GAS6: variants seen among roughly 807,000 people sequenced by gnomAD.
The protein encoded by GAS6 is growth arrest specific 6.
Under a neutral mutation model 75.8 loss-of-function variants are expected in GAS6, and 41 were observed. The observed-to-expected ratio is 0.54, with a 90% confidence interval of 0.42 to 0.70. The LOEUF (loss-of-function observed/expected upper bound fraction) is 0.70, where lower values mean the gene tolerates loss of function less well. Among genes scored for constraint, GAS6 ranks in the 30% least tolerant of loss-of-function variants. The probability of loss-of-function intolerance (pLI) is 0.00; values close to 1 mark genes in which losing one functional copy is unlikely to be tolerated. For synonymous variants in GAS6, 432 were observed against 412.6 expected, an observed-to-expected ratio of 1.05 and a Z score of -0.57; for missense variants, 854 against 940.2, an observed-to-expected ratio of 0.91 and a Z score of 1.20.
intron 2 of GAS6, among the ~76,000 whole-genome samples, chr13:113,851,218 G>A (rs1027957030): frequency 1.1e-4 from 16 of 151,906 alleles, no homozygotes; most frequent in Admixed American, 5.2e-4. Flanking sequence ...TGGGTGAGTG[G>A]ATGGATGGAT....
intron 12 of GAS6, among the ~76,000 whole-genome samples, chr13:113,826,414 TC>T (rs2051540507): frequency 7.2e-6 from 1 of 138,208 alleles, no homozygotes; most frequent in South Asian, 2.3e-4. Flanking sequence ...CTCCCCGGCC[TC>T]CCGGCGCTGG....
At chr13:113,858,971 T>C (rs974490028) in intron 2 of GAS6, among the ~76,000 whole-genome samples, 5 of 97,556 alleles carry the variant, frequency 5.1e-5, no homozygotes, top group African/African-American at 2.0e-4. Flanking sequence ...TGTGTGACTG[T>C]ATGTCTATAT....
Position 113,828,702 on chromosome 13 carries a change from C to T in GAS6, c.1153G>A (p.Glu385Lys), listed in dbSNP as rs1273516388. ...NHGMWQTISV[E>K]ELARNLVIKV... ...ATGACCAGATTCCGCGCCAGCTCCT[C>T]AACAGAGATCTGAAGAGAGGCAGCG... Residue 385 changes from glutamate (E) to lysine (K), a missense_variant, in exon 11 of 15, where the codon GAG (glutamate) becomes AAG (lysine). Glu to Lys is a moderately conservative substitution (Grantham distance 56). Transcript: ENST00000327773. 7 of 1,613,138 alleles carry T rather than the reference C, an allele frequency of 4.3e-6. No individual in the cohort carries two copies. In the East Asian group the frequency reaches 1.6e-4, roughly 36 times the overall value.
chr13:113,843,133 C>A (rs2051803478), intron 4 of GAS6: 1 of 320,302 alleles, frequency 3.1e-6, no homozygotes, highest in Admixed American at 5.0e-5. Context: ...CCTCTGCAGG[C>A]CCCCGAGGGC....
intron 8 of GAS6, among the ~76,000 whole-genome samples, chr13:113,834,068 C>T (rs562206480): frequency 4.1e-5 from 6 of 144,990 alleles, no homozygotes; most frequent in East Asian, 2.1e-4. Flanking sequence ...TGTGACAGGT[C>T]GGTGTGACAG....
At chr13:113,847,635 G>A (rs776842981) in intron 3 of GAS6, 6 of 210,118 alleles carry the variant, frequency 2.9e-5, no homozygotes, top group East Asian at 1.7e-4. Context: ...TTAAGAATAC[G>A]GTAAATATCA....
chr13:113,859,307 T>C (rs1386882861), intron 2 of GAS6, among the ~76,000 whole-genome samples: 2 of 151,238 alleles, frequency 1.3e-5, no homozygotes, highest in East Asian at 3.9e-4. Flanking sequence ...TATGTGTACA[T>C]GTCTGTTAGT....
At position 113,834,535 on chromosome 13, in the gene GAS6, G is replaced by T; in HGVS notation, c.834+16C>A. The T allele has an allele frequency of 6.5e-7, 1 of 1,539,224 alleles. No individual in the cohort carries two copies. Among genetic ancestry groups the T allele is most frequent in the Admixed American group, 2.1e-5 (1 of 46,780 alleles). ...GGAACCACCGTGAAGGGCCCGCGGG[G>T]CCAGGGGCCGCCTACCTCACAGGTG... On this transcript the variant is annotated intron_variant, in intron 8 of 14. Transcript: ENST00000327773.
At chr13:113,827,472 T>C (rs866980800) in intron 11 of GAS6, among the ~76,000 whole-genome samples, 1 of 152,190 alleles carries the variant, frequency 6.6e-6, no homozygotes, top group Non-Finnish European at 1.5e-5. Flanking sequence ...CCAACACTCA[T>C]GTGAATTATT....
intron 10 of GAS6, among the ~76,000 whole-genome samples, chr13:113,829,074 TG>T (rs2138625064): frequency 1.2e-5 from 1 of 83,028 alleles, no homozygotes; most frequent in East Asian, 3.2e-4. Context: ...GATCCTCACC[TG>T]GGCCAAGAGG....
rs755543652 is a variant in GAS6, at chr13:113,820,999, C to A, written c.1902G>T (p.Ala634=). 3 of 1,612,418 alleles carry A rather than the reference C, an allele frequency of 1.9e-6. No individual in the cohort carries two copies. Among genetic ancestry groups the A allele is most frequent in the Non-Finnish European group, 1.7e-6 (2 of 1,179,870 alleles). ...AGCCGCGGTAGAACGCGGTGACTGG[C>A]GCTGAAGTCACCGGCACATCTGGGC... ...GGLPDVPVTS[A]PVTAFYRGCM... The change falls in exon 15 of 15, where the codon GCG becomes GCT. Residue 634 remains alanine (A), a synonymous_variant. Transcript: ENST00000327773.
intron 11 of GAS6, 98 bp downstream of exon 11, chr13:113,828,449 A>G (rs1024710011): frequency 4.7e-6 from 6 of 1,282,412 alleles, no homozygotes; most frequent in Admixed American, 2.5e-5. Context: ...CACCTGGTTA[A>G]TGGTAAACAC....
In GAS6 at chr13:113,835,613, C is replaced by G. The variant is rs1368669944; in HGVS notation, c.612G>C (p.Ser204=). The G allele has an allele frequency of 6.2e-7, 1 of 1,612,040 alleles. No homozygotes were observed. Among genetic ancestry groups the G allele is most frequent in the African/African-American group, 1.3e-5 (1 of 74,876 alleles). The stretch of plus-strand genomic sequence containing the variant: ...TGCAGCGCGCCTCCCCGCAGGCCTC[C>G]GAGTCTGCGCACTCGTCTATGTCTG... ...TCQDIDECAD[S]EACGEARCKN... The change falls in exon 7 of 15, where the codon TCG becomes TCC. Residue 204 remains serine, a synonymous_variant. Coordinates refer to ENST00000327773, the MANE Select transcript of GAS6 (RefSeq NM_000820.4).
At chr13:113,821,045 T>G (rs765827654) in intron 14 of GAS6, 27 bp from the exon 15 acceptor site, 1 of 1,601,838 alleles carries the variant, frequency 6.2e-7, no homozygotes, top group South Asian at 1.1e-5. Flanking sequence ...GAACAACATA[T>G]CTTAGCTCAC....
intron 2 of GAS6, among the ~76,000 whole-genome samples, chr13:113,850,896 G>A (rs1353375717): frequency 6.6e-6 from 1 of 152,232 alleles, no homozygotes; most frequent in African/African-American, 2.4e-5. Context: ...ATGGATGGAT[G>A]AGTGAATCGG....
chr13:113,831,274 G>A (rs553578457), intron 10 of GAS6, among the ~76,000 whole-genome samples: 3 of 152,284 alleles, frequency 2.0e-5, no homozygotes, highest in Admixed American at 1.3e-4. Flanking sequence ...GGCAGCTCCC[G>A]TGAGGTCACC....
Position 113,820,905 on chromosome 13 carries a change from T to C in GAS6, c.1996A>G (p.Thr666Ala). The change falls in exon 15 of 15, where the codon ACG becomes GCG. Residue 666 changes from threonine to alanine, a missense_variant. Thr to Ala is a moderately conservative substitution (Grantham distance 58). Coordinates refer to ENST00000327773, the MANE Select transcript of GAS6 (RefSeq NM_000820.4). ...DEAAYKHSDI[T>A]AHSCPPVEPA... The stretch of plus-strand genomic sequence containing the variant: ...TCCACGGGGGGGCAGGAGTGGGCCG[T>C]GATGTCGCTGTGCTTGTACGCCGCC... 6.2e-7 allele frequency: 1 copy of C among 1,611,622 alleles called. No homozygotes were observed. Among genetic ancestry groups the C allele is most frequent in the Non-Finnish European group, 8.5e-7 (1 of 1,179,810 alleles).
chr13:113,851,990 G>C (rs2051880072), intron 2 of GAS6, among the ~76,000 whole-genome samples: 1 of 152,216 alleles, frequency 6.6e-6, no homozygotes, highest in Admixed American at 6.5e-5. Context: ...AGGTTTGTGT[G>C]CTTTGCTGTT....
At chr13:113,821,891 C>G (rs2051463812) in intron 14 of GAS6, 67 bp downstream of exon 14, 1 of 1,297,100 alleles carries the variant, frequency 7.7e-7, no homozygotes, top group Non-Finnish European at 1.0e-6. Context: ...CAGGTTAGAT[C>G]TGGGGTGACC....
Sources: gnomAD v4.1 joint callset for allele counts (sites outside exome capture counted in the v4.1 genomes callset) on GRCh38, gnomAD v4.1.1 for gene constraint, MANE v1.5 for transcripts, NCBI Gene and HGNC (gene_info 2026-07-23, HGNC 2026-07-21) for gene names.